CPEB3: variants seen among roughly 807,000 people sequenced by gnomAD.
The protein encoded by CPEB3 is cytoplasmic polyadenylation element-binding protein 3.
Under a neutral mutation model 67.2 loss-of-function variants are expected in CPEB3, and 20 were observed. The ratio of observed to expected loss-of-function variants is 0.30; its 90% CI spans 0.21 to 0.43. The LOEUF (loss-of-function observed/expected upper bound fraction) is 0.43, where lower values mean the gene tolerates loss of function less well. CPEB3 is among the 20% of genes least tolerant of loss of function. CPEB3 has a pLI of 1.00. For synonymous variants in CPEB3, 376 were observed against 393.1 expected (o/e 0.96, Z 0.51); for missense variants, 746 against 968.6 (o/e 0.77, Z 3.05).
At chr10:92,233,334 G>A (rs1039319115) in intron 2 of CPEB3, among the ~76,000 whole-genome samples, 3 of 151,934 alleles carry the variant, frequency 2.0e-5, no homozygotes, top group Admixed American at 6.6e-5. Context: ...TTCAAAACTA[G>A]CCTAGCCAAC....
At chr10:92,260,551 CAA>C (rs111730435) in intron 1 of CPEB3, among the ~76,000 whole-genome samples, 62 of 97,516 alleles carry the variant, frequency 6.4e-4, no homozygotes, top group African/African-American at 1.3e-3. Context: ...AACTCCTTCT[CAA>C]AAAAAAAAAA....
At chr10:92,214,631 C>A (rs1011449237) in intron 2 of CPEB3, among the ~76,000 whole-genome samples, 1 of 151,616 alleles carries the variant, frequency 6.6e-6, no homozygotes, top group Admixed American at 6.6e-5. Context: ...TACAGGCATG[C>A]ACCACGACAT....
chr10:92,240,051 G>A lies in CPEB3; in HGVS notation c.300C>T (p.Gly100=), dbSNP rs1451786385. 6.3e-7 allele frequency: 1 copy of A among 1,595,042 alleles called. No individual in the cohort carries two copies. Among genetic ancestry groups the A allele is most frequent in the East Asian group, 2.3e-5 (1 of 43,972 alleles). ...TGCCGAAGGACGGCGACAGCGACGCGCCCGGTGCCGCGGGCTCCTGAGGCG... is the reference window on the plus strand; with the variant it reads ...TGCCGAAGGACGGCGACAGCGACGCACCCGGTGCCGCGGGCTCCTGAGGCG... ...PPPPQEPAAP[G]ASLSPSFGST... Residue 100 remains glycine, a synonymous_variant, in exon 2 of 10, where the codon GGC becomes GGT. Coordinates refer to ENST00000265997, the MANE Select transcript of CPEB3 (RefSeq NM_014912.5).
chr10:92,203,482 G>A (rs1590378066), intron 2 of CPEB3, among the ~76,000 whole-genome samples: 1 of 145,234 alleles, frequency 6.9e-6, no homozygotes. Flanking sequence ...ATATATATGT[G>A]TGTATATGTG....
At chr10:92,177,001 C>T (rs1192717517) in intron 4 of CPEB3, among the ~76,000 whole-genome samples, 1 of 152,072 alleles carries the variant, frequency 6.6e-6, no homozygotes, top group Non-Finnish European at 1.5e-5. Context: ...TTATTTGTGG[C>T]CCAGGACAAT....
At chr10:92,121,540 A>G in intron 6 of CPEB3, among the ~76,000 whole-genome samples, 1 of 151,480 alleles carries the variant, frequency 6.6e-6, no homozygotes, top group East Asian at 1.9e-4. Flanking sequence ...TTAAATAAAA[A>G]TTTGTGGAAA....
In CPEB3 at chr10:92,050,081, T is replaced by A. The variant is rs149062648; in HGVS notation, c.*2131A>T. The A allele has an allele frequency of 2.8e-4, 42 of 149,728 alleles. No individual in the cohort carries two copies. Among genetic ancestry groups the A allele is most frequent in the African/African-American group, 9.1e-4 (37 of 40,670 alleles). The allele number at this position is 149,728 out of a possible 1,614,324, so 9.3% of individuals were successfully genotyped here. On this transcript the variant is annotated 3_prime_UTR_variant, in exon 10 of 10. Coordinates refer to ENST00000265997, the MANE Select transcript of CPEB3 (RefSeq NM_014912.5). ...TTTTCCTTAAAAACAAAAAAAAAAA[T>A]CTGCCAACTTTTGAAAACTGTCTAG...
At chr10:92,065,267 T>G (rs1256897946) in intron 9 of CPEB3, among the ~76,000 whole-genome samples, 1 of 152,204 alleles carries the variant, frequency 6.6e-6, no homozygotes, top group Non-Finnish European at 1.5e-5. Flanking sequence ...GTCACCCAGG[T>G]TGGAGTGCAG....
intron 7 of CPEB3, among the ~76,000 whole-genome samples, chr10:92,103,396 C>T (rs781490965): frequency 6.6e-6 from 1 of 152,202 alleles, no homozygotes; most frequent in African/African-American, 2.4e-5. Context: ...CAGCACCACA[C>T]CATATGCTCT....
intron 1 of CPEB3, among the ~76,000 whole-genome samples, chr10:92,247,894 T>G (rs1352243509): frequency 3.9e-5 from 6 of 152,076 alleles, no homozygotes. Flanking sequence ...TTGTTTTGTT[T>G]TTGTTTTTGT....
At chr10:92,169,860 C>A (rs752672671) in intron 4 of CPEB3, among the ~76,000 whole-genome samples, 2 of 152,184 alleles carry the variant, frequency 1.3e-5, no homozygotes, top group Non-Finnish European at 2.9e-5. Context: ...CCATATCAGA[C>A]TGAATATTCT....
chr10:92,201,356 C>T (rs1356825033), intron 2 of CPEB3, among the ~76,000 whole-genome samples: 2 of 152,036 alleles, frequency 1.3e-5, no homozygotes, highest in Non-Finnish European at 2.9e-5. Context: ...GGTGAAACCC[C>T]GTCTCTACTA....
At chr10:92,125,841 A>G (rs1406460991) in intron 6 of CPEB3, among the ~76,000 whole-genome samples, 1 of 151,880 alleles carries the variant, frequency 6.6e-6, no homozygotes, top group Non-Finnish European at 1.5e-5. Context: ...CTCCCACCGC[A>G]GCCTCCCAAG....
At position 92,253,105 on chromosome 10, in the gene CPEB3, G is replaced by A. The variant is rs564387064; in HGVS notation, c.-11-12744C>T. On this transcript the variant is annotated intron_variant, in intron 1 of 9. Coordinates refer to ENST00000265997, the MANE Select transcript of CPEB3 (RefSeq NM_014912.5). Reference sequence around the variant, plus strand: ...AATGATTGCTAGGGAACATAAAAGGGGACTTCAGTGATGCTGGTGACATAC... The same window carrying A: ...AATGATTGCTAGGGAACATAAAAGGAGACTTCAGTGATGCTGGTGACATAC... Among the ~76,000 whole-genome samples, 16 of 152,140 alleles carry A rather than the reference G, an allele frequency of 1.1e-4. No individual in the cohort carries two copies. The South Asian group carries it at 3.3e-3, about 32-fold the overall frequency.
intron 4 of CPEB3, among the ~76,000 whole-genome samples, chr10:92,150,724 C>T (rs1194061785): frequency 5.3e-5 from 8 of 152,136 alleles, no homozygotes; most frequent in African/African-American, 1.9e-4. Flanking sequence ...AGAAGTCTTG[C>T]TTCACTAACT....
rs73314349 is a variant in CPEB3, at chr10:92,087,829, G to A, written c.1687+4001C>T. Among the ~76,000 whole-genome samples, 1,487 of 152,282 alleles carry A rather than the reference G, an allele frequency of 9.8e-3. 23 individuals are homozygous for A. Among genetic ancestry groups the A allele is most frequent in the African/African-American group, 0.034 (1,396 of 41,558 alleles). The stretch of plus-strand genomic sequence containing the variant: ...ATTCACATTACGTGAATGAAGCAGA[G>A]TGGCAACGTGTTGTACTTCCAGGTG... On this transcript the variant is annotated intron_variant, in intron 8 of 9. Transcript: ENST00000265997.
intron 4 of CPEB3, among the ~76,000 whole-genome samples, chr10:92,163,071 G>T (rs945076914): frequency 2.0e-5 from 3 of 152,068 alleles, no homozygotes; most frequent in African/African-American, 7.3e-5. Flanking sequence ...ACATTCCATG[G>T]GTTTTGATGA....
intron 9 of CPEB3, among the ~76,000 whole-genome samples, chr10:92,079,283 A>C (rs941055232): frequency 6.6e-6 from 1 of 152,212 alleles, no homozygotes; most frequent in Admixed American, 6.5e-5. Context: ...AGGTTTATCA[A>C]GCATCAATGA....
intron 6 of CPEB3, among the ~76,000 whole-genome samples, chr10:92,119,715 T>G (rs2133591931): frequency 6.6e-6 from 1 of 152,300 alleles, no homozygotes; most frequent in Admixed American, 6.5e-5. Context: ...TAGTTAGTTC[T>G]TAGAGCAGCT....
Sources: allele counts gnomAD v4.1 joint callset (sites outside exome capture counted in the v4.1 genomes callset), GRCh38; gene constraint gnomAD v4.1.1; transcripts MANE v1.5; gene names NCBI Gene and HGNC (gene_info 2026-07-23, HGNC 2026-07-21).